RUFY3: variants seen among roughly 807,000 people sequenced by gnomAD.
RUFY3 encodes the protein RUN and FYVE domain containing 3.
RUFY3 carries 34 observed loss-of-function variants against 84.0 expected under a neutral mutation model. That is an observed-to-expected ratio of 0.40 (90% CI 0.31 to 0.54). The LOEUF is 0.54. RUFY3 is among the 20% of genes least tolerant of loss of function. The pLI, the probability that RUFY3 is intolerant of heterozygous loss-of-function variation, is 0.39. For missense variants in RUFY3, 507 were observed against 736.8 expected (o/e 0.69, Z 3.61); for synonymous variants, 242 against 252.9 (o/e 0.96, Z 0.41).
intron 16 of RUFY3, among the ~76,000 whole-genome samples, chr4:70,804,074 G>A (rs1400415882): frequency 6.6e-6 from 1 of 152,066 alleles, no homozygotes; most frequent in Non-Finnish European, 1.5e-5. Context: ...TGAACAAGAG[G>A]AATGGGATAG....
intron 1 of RUFY3, among the ~76,000 whole-genome samples, chr4:70,741,901 A>G (rs1721381581): frequency 6.6e-6 from 1 of 152,246 alleles, no homozygotes; most frequent in South Asian, 2.1e-4. Context: ...TAAAAGGGAC[A>G]TTATTTCAAG....
At chr4:70,764,915 G>A (rs1725588243) in intron 4 of RUFY3, among the ~76,000 whole-genome samples, 1 of 152,148 alleles carries the variant, frequency 6.6e-6, no homozygotes, top group South Asian at 2.1e-4. Context: ...GACGGGTGCA[G>A]TGGTTCACGC....
chr4:70,752,662 GA>G (rs1204203659), intron 1 of RUFY3, among the ~76,000 whole-genome samples: 1 of 152,180 alleles, frequency 6.6e-6, no homozygotes, highest in Non-Finnish European at 1.5e-5. Flanking sequence ...TGCTTCTAAT[GA>G]AATGACCATG....
chr4:70,733,974 T>C (rs1464656985), intron 1 of RUFY3, among the ~76,000 whole-genome samples: 1 of 152,212 alleles, frequency 6.6e-6, no homozygotes, highest in East Asian at 1.9e-4. Flanking sequence ...CCAACAGATA[T>C]TTGTATTATA....
At chr4:70,789,431 G>C (rs1730450436) in intron 11 of RUFY3, 64 bp from the exon 12 acceptor site, 1 of 1,376,478 alleles carries the variant, frequency 7.3e-7, no homozygotes, top group African/African-American at 1.4e-5. Context: ...GATTCAAAAG[G>C]CATGTGTGGT....
At chr4:70,784,997 A>G in intron 10 of RUFY3, 118 bp downstream of exon 10, 1 of 571,582 alleles carries the variant, frequency 1.7e-6, no homozygotes. Context: ...AAAATTCTAG[A>G]TCCTATAAAA....
chr4:70,792,494 C>G, intron 12 of RUFY3: 1 of 984,944 alleles, frequency 1.0e-6, no homozygotes, highest in Admixed American at 6.1e-5. Flanking sequence ...GTAAATAATC[C>G]TATAAACAGT....
At chr4:70,793,283 G>GA in intron 12 of RUFY3, 1 of 995,142 alleles carries the variant, frequency 1.0e-6, no homozygotes, top group Non-Finnish European at 1.2e-6. Flanking sequence ...AATGTCCCAT[G>GA]ATTTAATATA....
chr4:70,713,844 C>T (rs1741272982), intron 1 of RUFY3, among the ~76,000 whole-genome samples: 1 of 152,148 alleles, frequency 6.6e-6, no homozygotes, highest in Non-Finnish European at 1.5e-5. Flanking sequence ...CTGAGAGATA[C>T]CACTGTAACC....
At chr4:70,772,162 A>G (rs535589030) in intron 5 of RUFY3, among the ~76,000 whole-genome samples, 1 of 151,240 alleles carries the variant, frequency 6.6e-6, no homozygotes, top group African/African-American at 2.4e-5. Context: ...TATATAGTAT[A>G]TAGGTGGACT....
At chr4:70,766,720 T>G (rs557201126) in intron 4 of RUFY3, among the ~76,000 whole-genome samples, 5 of 152,200 alleles carry the variant, frequency 3.3e-5, no homozygotes, top group Admixed American at 1.3e-4. Flanking sequence ...TGAACCTACA[T>G]TGACACATCA....
chr4:70,718,031 C>T (rs1741823405), upstream of RUFY3, among the ~76,000 whole-genome samples: 1 of 151,738 alleles, frequency 6.6e-6, no homozygotes, highest in Admixed American at 6.6e-5. Context: ...TACAGGCACC[C>T]ACCACCATGC....
chr4:70,804,761 C>CA (rs1186156048), intron 17 of RUFY3, among the ~76,000 whole-genome samples: 4,835 of 76,816 alleles, frequency 0.063, 267 homozygotes, highest in African/African-American at 0.17. Context: ...ACTAAAAATA[C>CA]AAAAAAAAAA....
chr4:70,788,146 A>G (rs1441832601), intron 10 of RUFY3, among the ~76,000 whole-genome samples: 1 of 151,954 alleles, frequency 6.6e-6, no homozygotes, highest in African/African-American at 2.4e-5. Context: ...TTAGCCAGGC[A>G]TGGTGGCATG....
At position 70,788,766 on chromosome 4, in the gene RUFY3, A is replaced by G. The variant is rs569594442; in HGVS notation, c.1072-40A>G. On this transcript the variant is annotated intron_variant, in intron 10 of 17. Coordinates refer to ENST00000381006, the MANE Select transcript of RUFY3 (RefSeq NM_001037442.4). ...AATATTATGGTTTGTACTTAGTTGA[A>G]GGAACAGAGTGTAAGCAATTTACTT... 6 of 1,603,338 alleles carry G rather than the reference A, an allele frequency of 3.7e-6. No individual in the cohort carries two copies. The East Asian group carries it at 1.1e-4, about 30-fold the overall frequency.
At chr4:70,781,084 C>T (rs942374006) in intron 8 of RUFY3, among the ~76,000 whole-genome samples, 1 of 112,026 alleles carries the variant, frequency 8.9e-6, no homozygotes, top group Non-Finnish European at 1.9e-5. Flanking sequence ...CCCCATCTCA[C>T]AAAAAAAAAA....
chr4:70,773,800 A>G (rs1029959830), intron 6 of RUFY3, among the ~76,000 whole-genome samples: 18 of 152,196 alleles, frequency 1.2e-4, no homozygotes, highest in Non-Finnish European at 2.2e-4. Context: ...TATGTGGTTC[A>G]GGGGCAAAGA....
intron 1 of RUFY3, among the ~76,000 whole-genome samples, chr4:70,727,380 G>C (rs1177960506): frequency 1.5e-5 from 2 of 130,422 alleles, no homozygotes; most frequent in African/African-American, 6.0e-5. Context: ...TTTTGAGACA[G>C]AGTCTCACTC....
intron 11 of RUFY3, 107 bp from the exon 12 acceptor site, chr4:70,789,388 A>G: frequency 9.2e-7 from 1 of 1,082,222 alleles, no homozygotes; most frequent in Non-Finnish European, 1.3e-6. Flanking sequence ...ATATTGAAAT[A>G]TATGAACATT....
Sources: allele counts gnomAD v4.1 joint callset (sites outside exome capture counted in the v4.1 genomes callset), GRCh38; gene constraint gnomAD v4.1.1; transcripts MANE v1.5; gene names NCBI Gene and HGNC (gene_info 2026-07-23, HGNC 2026-07-21).